MSL2: variants seen among roughly 807,000 people sequenced by gnomAD.
MSL2 encodes the protein MSL complex subunit 2.
Under a neutral mutation model 35.8 loss-of-function variants are expected in MSL2, and 2 were observed. That is an observed-to-expected ratio of 0.06 (90% CI 0.02 to 0.18). MSL2 has a LOEUF of 0.18. Ranked by LOEUF, MSL2 falls within the 10% of genes least tolerant of loss-of-function variation. The probability of loss-of-function intolerance (pLI) is 1.00; values close to 1 mark genes in which losing one functional copy is unlikely to be tolerated. For missense variants in MSL2, 523 were observed against 706.7 expected, an observed-to-expected ratio of 0.74 and a Z score of 2.95; for synonymous variants, 296 against 255.7, an observed-to-expected ratio of 1.16 and a Z score of -1.50.
rs371497757 is a variant in MSL2, at chr3:136,192,048, T to C, written c.142+2924A>G. 2.0e-5 allele frequency among the ~76,000 whole-genome samples: 3 copies of C among 152,144 alleles called. No individual in the cohort carries two copies. In the South Asian group the frequency reaches 6.2e-4, roughly 31 times the overall value. ...TACAAAACTGTAAAAGAAAAAACAA[T>C]GTCTTCCCTAAAAAGTTTATTATAT... On this transcript the variant is annotated intron_variant, in intron 1 of 1. Coordinates refer to ENST00000309993, the MANE Select transcript of MSL2 (RefSeq NM_018133.4).
intron 1 of MSL2, among the ~76,000 whole-genome samples, chr3:136,165,879 G>A (rs918544776): frequency 1.3e-5 from 2 of 151,932 alleles, no homozygotes; most frequent in African/African-American, 2.4e-5. Context: ...AGTATAATGG[G>A]ATAACTAAAA....
At chr3:136,167,179 T>A (rs905039091) in intron 1 of MSL2, among the ~76,000 whole-genome samples, 1 of 152,016 alleles carries the variant, frequency 6.6e-6, no homozygotes, top group Non-Finnish European at 1.5e-5. Context: ...ATGGCAAAAA[T>A]TATCAGAGAT....
intron 1 of MSL2, among the ~76,000 whole-genome samples, chr3:136,173,257 T>C (rs1940080108): frequency 2.0e-5 from 3 of 152,236 alleles, no homozygotes; most frequent in African/African-American, 7.2e-5. Flanking sequence ...CATAAACTGG[T>C]GACTTCTGAA....
Position 136,195,652 on chromosome 3 carries a change from C to T in MSL2, c.-539G>A, listed in dbSNP as rs1940820848. The T allele has an allele frequency of 1.0e-6, 1 of 980,360 alleles. No individual in the cohort carries two copies. Among genetic ancestry groups the T allele is most frequent in the Non-Finnish European group, 1.2e-6 (1 of 825,150 alleles). The allele number at this position is 980,360 out of a possible 1,614,324, so 60.7% of individuals were successfully genotyped here. A position where few individuals can be genotyped will look rare whatever the true frequency, so the allele number is the denominator to read the frequency against. ...ACGGTCGGGCAGCGGCTTCCCGGAT[C>T]TAGTGCAAGACGCCGCGGCGGCGAC... On this transcript the variant is annotated 5_prime_UTR_variant, in exon 1 of 2. It removes the in-frame stop codon of an upstream open reading frame in the 5' UTR. Transcript: ENST00000309993.
At chr3:136,154,077 C>A (rs527256227) in intron 1 of MSL2, among the ~76,000 whole-genome samples, 3 of 149,018 alleles carry the variant, frequency 2.0e-5, no homozygotes, top group Admixed American at 2.0e-4. Flanking sequence ...GAGCAAAACT[C>A]CGTCTCATTT....
At chr3:136,184,023 T>A (rs184872831) in intron 1 of MSL2, among the ~76,000 whole-genome samples, 8 of 152,156 alleles carry the variant, frequency 5.3e-5, no homozygotes, top group African/African-American at 1.9e-4. Context: ...TGGCCAGGCG[T>A]GGTGGCTCAT....
chr3:136,180,064 C>CA lies in MSL2; in HGVS notation c.142+14907dup, dbSNP rs201111258. On this transcript the variant is annotated intron_variant, in intron 1 of 1. Coordinates refer to ENST00000309993, the MANE Select transcript of MSL2 (RefSeq NM_018133.4). Reference sequence around the variant, plus strand: ...TGGGCAACAGAGCGAGACTCCGTCTCAAAAAAAAAATAAAAAATAAAAATA... The same window carrying CA: ...TGGGCAACAGAGCGAGACTCCGTCTCAAAAAAAAAAATAAAAAATAAAAATA... 4.0e-3 allele frequency among the ~76,000 whole-genome samples: 585 copies of CA among 144,970 alleles called. 7 individuals are homozygous for CA. In the East Asian group the frequency reaches 0.048, roughly 12 times the overall value.
Position 136,178,808 on chromosome 3 carries a change from G to A in MSL2, c.142+16164C>T, listed in dbSNP as rs572298453. Among the ~76,000 whole-genome samples, 10 of 151,898 alleles carry A rather than the reference G, an allele frequency of 6.6e-5. No homozygotes were observed. The East Asian group carries it at 1.9e-3, about 29-fold the overall frequency. ...CCACCTGGGCCTCCCAAAGTGCTGG[G>A]ATTACAGGCATGAGTCGCTGCGCCC... On this transcript the variant is annotated intron_variant, in intron 1 of 1. Coordinates refer to ENST00000309993, the MANE Select transcript of MSL2 (RefSeq NM_018133.4).
At chr3:136,169,643 T>A (rs1355924607) in intron 1 of MSL2, among the ~76,000 whole-genome samples, 2 of 150,900 alleles carry the variant, frequency 1.3e-5, no homozygotes, top group Non-Finnish European at 1.5e-5. Context: ...AGAGACGGGG[T>A]TTCACCATGT....
At chr3:136,171,188 TAA>T (rs761812911) in intron 1 of MSL2, among the ~76,000 whole-genome samples, 1 of 152,162 alleles carries the variant, frequency 6.6e-6, no homozygotes, top group Non-Finnish European at 1.5e-5. Flanking sequence ...AAAGGAAGTG[TAA>T]AGTTAGTCAC....
At chr3:136,168,915 A>C (rs1939930619) in intron 1 of MSL2, among the ~76,000 whole-genome samples, 1 of 152,076 alleles carries the variant, frequency 6.6e-6, no homozygotes, top group Non-Finnish European at 1.5e-5. Context: ...TCATCTAAGC[A>C]TAGCTACAAT....
intron 1 of MSL2, among the ~76,000 whole-genome samples, chr3:136,170,715 G>A (rs1350367728): frequency 6.6e-6 from 1 of 151,722 alleles, no homozygotes; most frequent in Non-Finnish European, 1.5e-5. Context: ...ATGTTGGCCA[G>A]GATGGTCTCG....
Position 136,151,004 on chromosome 3 carries a change from T to C in MSL2, c.*143A>G. 1 of 880,550 alleles carries C rather than the reference T, an allele frequency of 1.1e-6. No homozygotes were observed. The highest frequency in any genetic ancestry group is 1.7e-5 in the South Asian group (1 of 59,244). 54.5% of individuals were successfully genotyped at this position (880,550 alleles called of 1,614,324 possible). ...TATCTGCAAACTATTTCCCCGACAC[T>C]AACACATATAACTTAGCAATGAAAA... is the stretch of plus-strand genomic sequence containing the variant. On this transcript the variant is annotated 3_prime_UTR_variant, in exon 2 of 2. Coordinates refer to ENST00000309993, the MANE Select transcript of MSL2 (RefSeq NM_018133.4). The surrounding 1 kb of genome is among the most constrained non-coding windows in gnomAD (Gnocchi z 5.2).
Position 136,152,246 on chromosome 3 carries a change from G to C in MSL2, c.635C>G (p.Pro212Arg). ...IDRFGINIPS[P>R]EHSNTIDVCN... ...TACGTCAATCGTATTTGAATGTTCA[G>C]GTGAAGGAATATTTATACCAAATCT... The change falls in exon 2 of 2, where the codon CCT becomes CGT. Residue 212 changes from proline (P) to arginine (R), a missense_variant. Transcript: ENST00000309993. 1 of 1,614,102 alleles carries C rather than the reference G, an allele frequency of 6.2e-7. No homozygotes were observed. Among genetic ancestry groups the C allele is most frequent in the Non-Finnish European group, 8.5e-7 (1 of 1,179,968 alleles).
At chr3:136,177,680 T>TACAAAAAAAAAA (rs1553766795) in intron 1 of MSL2, among the ~76,000 whole-genome samples, 1 of 78,502 alleles carries the variant, frequency 1.3e-5, no homozygotes. Context: ...CTCCGTCTCA[T>TACAAAAAAAAAA]AAAAAAAAAA....
chr3:136,183,331 G>A (rs1940421876), intron 1 of MSL2, among the ~76,000 whole-genome samples: 1 of 152,160 alleles, frequency 6.6e-6, no homozygotes, highest in Non-Finnish European at 1.5e-5. Flanking sequence ...CAAGGTAGGA[G>A]GAGAAAAATA....
At position 136,151,190 on chromosome 3, in the gene MSL2, T is replaced by C; in HGVS notation, c.1691A>G (p.Asp564Gly). ...GTCTATAGCTTCATCCAAACTTTTA[T>C]CATCATGTGTACTGGCAGCTAAAAA... ...TTFLAASTHD[D>G]KSLDEAIDMR... The change falls in exon 2 of 2, where the codon GAT (aspartate) becomes GGT (glycine). Residue 564 changes from aspartate (D) to glycine (G), a missense_variant. Asp to Gly is a moderately conservative substitution (Grantham distance 94). Transcript: ENST00000309993. The surrounding 1 kb of genome is among the most constrained non-coding windows in gnomAD (Gnocchi z 5.2). 1.2e-6 allele frequency: 2 copies of C among 1,614,092 alleles called. No homozygotes were observed. The highest frequency in any genetic ancestry group is 8.5e-7 in the Non-Finnish European group (1 of 1,179,956).
chr3:136,177,239 T>A lies in MSL2; in HGVS notation c.142+17733A>T, dbSNP rs553978029. ...AAATCAGCATTAGCCCATTTAAATA[T>A]CCCTGATCAGCTGGATTCCAAAGAC... is the stretch of plus-strand genomic sequence containing the variant. On this transcript the variant is annotated intron_variant, in intron 1 of 1. Transcript: ENST00000309993. Among the ~76,000 whole-genome samples, 27 of 152,376 alleles carry A rather than the reference T, an allele frequency of 1.8e-4. 1 individual carries two copies. The South Asian group carries it at 4.6e-3, about 26-fold the overall frequency.
intron 1 of MSL2, among the ~76,000 whole-genome samples, chr3:136,185,525 T>C (rs1017307971): frequency 7.4e-6 from 1 of 134,836 alleles, no homozygotes; most frequent in African/African-American, 2.5e-5. Context: ...CAACTCTTTT[T>C]TTCTTTTTTT....
Sources: gnomAD v4.1 joint callset for allele counts (sites outside exome capture counted in the v4.1 genomes callset) on GRCh38, gnomAD v4.1.1 for gene constraint, Gnocchi (gnomAD v3.1) non-coding constraint, MANE v1.5 for transcripts, NCBI Gene and HGNC (gene_info 2026-07-23, HGNC 2026-07-21) for gene names.